SANBR: variants seen among roughly 807,000 people sequenced by gnomAD.
SANBR encodes the protein SANT and BTB domain regulator of CSR.
A neutral mutation model predicts 101.8 loss-of-function variants in SANBR; 77 were observed. That is an observed-to-expected ratio of 0.76 (90% confidence interval 0.63 to 0.91). The LOEUF is 0.91. Ranked by LOEUF, SANBR falls within the 40% of genes least tolerant of loss-of-function variation. The pLI is 0.00. For synonymous variants in SANBR, 279 were observed against 274.7 expected, an observed-to-expected ratio of 1.02 and a Z score of -0.15; for missense variants, 875 against 853.0, an observed-to-expected ratio of 1.03 and a Z score of -0.32.
Position 61,087,885 on chromosome 2 carries a change from A to G in SANBR, c.891-274A>G, listed in dbSNP as rs899685776. On this transcript the variant is annotated intron_variant, in intron 8 of 21. Transcript: ENST00000402291. ...AAGTAAAAATAAAAAATAAAATTTA[A>G]AAATGACTGAAAGATAGCTATTTAT... Among the ~76,000 whole-genome samples the G allele has an allele frequency of 3.9e-5, 6 of 151,966 alleles. No homozygotes were observed. The South Asian group carries it at 1.2e-3, about 32-fold the overall frequency.
chr2:61,115,556 CA>C (rs1187222140), intron 16 of SANBR, among the ~76,000 whole-genome samples: 1 of 151,950 alleles, frequency 6.6e-6, no homozygotes, highest in African/African-American at 2.4e-5. Context: ...CTAAAATATA[CA>C]AAGCAAAAAC....
chr2:61,080,358 A>G (rs1682044546), intron 6 of SANBR, among the ~76,000 whole-genome samples: 1 of 152,206 alleles, frequency 6.6e-6, no homozygotes. Flanking sequence ...CTGGTTCCTA[A>G]CTGGAATGGG....
In SANBR at chr2:61,099,229, A is replaced by G. The variant is rs540853227; in HGVS notation, c.1365+1377A>G. 5.9e-5 allele frequency among the ~76,000 whole-genome samples: 9 copies of G among 152,356 alleles called. No homozygotes were observed. In the East Asian group the frequency reaches 1.3e-3, roughly 23 times the overall value. On this transcript the variant is annotated intron_variant, in intron 12 of 21. Transcript: ENST00000402291. ...ATGTTCAAGTTTTTCTTTTATCTCC[A>G]TTTGGAAAATATCATTTGCAGTGTG...
chr2:61,089,057 A>T, intron 10 of SANBR: 1 of 974,072 alleles, frequency 1.0e-6, no homozygotes, highest in East Asian at 1.1e-4. Context: ...TGCCTTTAAA[A>T]TGCTCTCTTT....
At chr2:61,080,284 A>T (rs899136301) in intron 6 of SANBR, among the ~76,000 whole-genome samples, 3 of 152,192 alleles carry the variant, frequency 2.0e-5, no homozygotes, top group African/African-American at 7.2e-5. Flanking sequence ...ATTTACCAAA[A>T]AAAGTCTTTA....
At position 61,073,485 on chromosome 2, in the gene SANBR, ATTG is replaced by A. The variant is rs1681592889; in HGVS notation, c.368_370del (p.Cys123del). On this transcript the variant is annotated inframe_deletion, in exon 5 of 22. Coordinates refer to ENST00000402291, the MANE Select transcript of SANBR (RefSeq NM_001129993.3). ...AGACATAGTATAGCTTCCACAAGGA[ATTG>A]TTCTTCAGAAAGTGAAAATTGTACT... 1 of 1,581,822 alleles carries A rather than the reference ATTG, an allele frequency of 6.3e-7. No homozygotes were observed. Among genetic ancestry groups the A allele is most frequent in the Non-Finnish European group, 8.6e-7 (1 of 1,157,048 alleles).
intron 8 of SANBR, among the ~76,000 whole-genome samples, chr2:61,085,396 C>T (rs1487297495): frequency 1.3e-5 from 2 of 152,058 alleles, no homozygotes; most frequent in Non-Finnish European, 2.9e-5. Context: ...AAAGACCATC[C>T]TTTCCCCCAC....
intron 6 of SANBR, 85 bp downstream of exon 6, chr2:61,077,243 ATTGT>A: frequency 1.1e-6 from 1 of 922,476 alleles, no homozygotes; most frequent in Non-Finnish European, 1.7e-6. Flanking sequence ...AATGTGGAAA[ATTGT>A]TTGGACACCG....
chr2:61,082,899 G>C (rs1476429229), intron 7 of SANBR, among the ~76,000 whole-genome samples: 1 of 152,070 alleles, frequency 6.6e-6, no homozygotes, highest in Non-Finnish European at 1.5e-5. Flanking sequence ...TTTAAAAGAT[G>C]CATTATTATT....
At chr2:61,081,143 G>C (rs1245083845) in intron 6 of SANBR, among the ~76,000 whole-genome samples, 1 of 152,060 alleles carries the variant, frequency 6.6e-6, no homozygotes, top group Non-Finnish European at 1.5e-5. Flanking sequence ...TATATGCAAT[G>C]AATTATAGTC....
Position 61,123,122 on chromosome 2 carries a change from T to G in SANBR, c.*960T>G. The G allele has an allele frequency of 1.0e-6, 1 of 977,126 alleles. No individual in the cohort carries two copies. Among genetic ancestry groups the G allele is most frequent in the South Asian group, 4.7e-5 (1 of 21,146 alleles). The allele number at this position is 977,126 out of a possible 1,614,324, so 60.5% of individuals were successfully genotyped here. On this transcript the variant is annotated 3_prime_UTR_variant, in exon 22 of 22. Coordinates refer to ENST00000402291, the MANE Select transcript of SANBR (RefSeq NM_001129993.3). ...TATTTTATAAATCATGTTTAAATTT[T>G]TCTAGCCAGGCAGAAAGAGTGCTCA...
intron 1 of SANBR, among the ~76,000 whole-genome samples, chr2:61,067,812 A>G (rs1413327243): frequency 1.3e-5 from 2 of 152,242 alleles, no homozygotes; most frequent in South Asian, 4.1e-4. Context: ...AAAGTGATGC[A>G]AGTACTAGGC....
At chr2:61,086,955 A>G (rs1682464406) in intron 8 of SANBR, among the ~76,000 whole-genome samples, 1 of 152,222 alleles carries the variant, frequency 6.6e-6, no homozygotes, top group Admixed American at 6.5e-5. Flanking sequence ...GACATTACAC[A>G]AGGAAAGATG....
chr2:61,074,714 A>G (rs1242989812), intron 5 of SANBR, among the ~76,000 whole-genome samples: 3 of 152,134 alleles, frequency 2.0e-5, no homozygotes, highest in Non-Finnish European at 4.4e-5. Flanking sequence ...ATATTCACAC[A>G]GGTTTTTAAC....
chr2:61,117,577 G>T, intron 19 of SANBR, 37 bp downstream of exon 19: 6 of 1,496,304 alleles, frequency 4.0e-6, no homozygotes, highest in Non-Finnish European at 5.6e-6. Context: ...CAAATTGGAT[G>T]TAAATAGCAA....
intron 6 of SANBR, among the ~76,000 whole-genome samples, chr2:61,080,594 G>A (rs1682063262): frequency 6.6e-6 from 1 of 152,076 alleles, no homozygotes; most frequent in African/African-American, 2.4e-5. Flanking sequence ...GGTGGTGAAC[G>A]CCTGTAGTCC....
At chr2:61,113,698 CTCT>C (rs1309533682) in intron 16 of SANBR, among the ~76,000 whole-genome samples, 1 of 152,080 alleles carries the variant, frequency 6.6e-6, no homozygotes, top group African/African-American at 2.4e-5. Flanking sequence ...CAGTTATTTG[CTCT>C]TCATTTATTA....
Position 61,121,184 on chromosome 2 carries a change from G to C in SANBR, c.2029-1G>C. The C allele has an allele frequency of 6.5e-7, 1 of 1,548,552 alleles. No homozygotes were observed. The highest frequency in any genetic ancestry group is 8.7e-7 in the Non-Finnish European group (1 of 1,144,360). The stretch of plus-strand genomic sequence containing the variant: ...AACAGTATTGCTTCTTTATTCTGCA[G>C]TTTGCAGGAGGTATTTATTCCAGGC... On this transcript the variant is annotated splice_acceptor_variant, in intron 20 of 21. Coordinates refer to ENST00000402291, the MANE Select transcript of SANBR (RefSeq NM_001129993.3). LOFTEE classifies it high-confidence loss of function.
chr2:61,075,478 GA>G (rs1455131509), intron 5 of SANBR, among the ~76,000 whole-genome samples: 8 of 149,858 alleles, frequency 5.3e-5, no homozygotes, highest in Non-Finnish European at 3.0e-5. Flanking sequence ...AGGCTGGTCT[GA>G]AACTCCTGGG....
Sources: allele counts gnomAD v4.1 joint callset (sites outside exome capture counted in the v4.1 genomes callset), GRCh38; gene constraint gnomAD v4.1.1; transcripts MANE v1.5; gene names NCBI Gene and HGNC (gene_info 2026-07-23, HGNC 2026-07-21).